The following PLCB4 variants were observed in gnomAD, a reference collection of about 807,000 sequenced individuals.
PLCB4 encodes 1-phosphatidylinositol 4,5-bisphosphate phosphodiesterase beta-4.
Under a neutral mutation model 178.8 loss-of-function variants are expected in PLCB4, and 77 were observed. That is an observed-to-expected ratio of 0.43 (90% CI 0.36 to 0.52). PLCB4 has a LOEUF of 0.52. Ranked by LOEUF, PLCB4 falls within the 20% of genes least tolerant of loss-of-function variation. The probability of loss-of-function intolerance (pLI) is 0.00; values close to 1 mark genes in which losing one functional copy is unlikely to be tolerated. For missense variants in PLCB4, 1,024 were observed against 1,453.4 expected (o/e 0.70, Z 4.80); for synonymous variants, 496 against 490.8 (o/e 1.01, Z -0.14).
chr20:9,131,989 A>G (rs2092284387), intron 2 of PLCB4, among the ~76,000 whole-genome samples: 1 of 152,158 alleles, frequency 6.6e-6, no homozygotes, highest in African/African-American at 2.4e-5. Context: ...GCCCCAGTCA[A>G]ACTCCCAACT....
chr20:9,373,850 A>G (rs58879786), intron 12 of PLCB4, among the ~76,000 whole-genome samples: 30 of 152,344 alleles, frequency 2.0e-4, no homozygotes, highest in Admixed American at 1.6e-3. Context: ...ACATACAAAA[A>G]AAGTTTTCCC....
At chr20:9,414,173 A>T (rs1163995071) in intron 25 of PLCB4, among the ~76,000 whole-genome samples, 1 of 152,226 alleles carries the variant, frequency 6.6e-6, no homozygotes, top group East Asian at 1.9e-4. Context: ...GAAAGCATAC[A>T]CCTCACCAGA....
intron 1 of PLCB4, among the ~76,000 whole-genome samples, chr20:9,075,674 C>G (rs2089826242): frequency 1.3e-5 from 2 of 152,352 alleles, no homozygotes; most frequent in East Asian, 3.9e-4. Flanking sequence ...CCCAATTGTG[C>G]CCCTTCCCAT....
intron 13 of PLCB4, among the ~76,000 whole-genome samples, chr20:9,382,202 T>C (rs1270301619): frequency 6.6e-6 from 1 of 152,208 alleles, no homozygotes; most frequent in Non-Finnish European, 1.5e-5. Context: ...TTGCAAAACC[T>C]GTAAGATCCA....
At chr20:9,201,790 T>G (rs1309955560) in intron 2 of PLCB4, among the ~76,000 whole-genome samples, 1 of 152,204 alleles carries the variant, frequency 6.6e-6, no homozygotes, top group Non-Finnish European at 1.5e-5. Flanking sequence ...TTGTTGGGAA[T>G]GCAAAATGGT....
At chr20:9,225,457 T>A (rs964822643) in intron 3 of PLCB4, among the ~76,000 whole-genome samples, 2 of 152,212 alleles carry the variant, frequency 1.3e-5, no homozygotes, top group African/African-American at 4.8e-5. Context: ...GATGTAACAG[T>A]CGAGTCTAGA....
rs398035325 is a variant in PLCB4, at chr20:9,273,675, A to AGTGTGTGTGTGT, written c.-15-34092_-15-34081dup. On this transcript the variant is annotated intron_variant, in intron 3 of 39. Transcript: ENST00000378473. ...AATACAGACTGGTTATTATGGTTGC[A>AGTGTGTGTGTGT]GTGTGTGTGTGTGTGTGTGTGTGTG... is the stretch of plus-strand genomic sequence containing the variant. Among the ~76,000 whole-genome samples, 154 of 135,940 alleles carry AGTGTGTGTGTGT rather than the reference A, an allele frequency of 1.1e-3. 1 individual carries two copies. The highest frequency in any genetic ancestry group is 1.3e-3 in the East Asian group (6 of 4,578). 89.2% of individuals were successfully genotyped at this position (135,940 alleles called of 152,430 possible). A position where few individuals can be genotyped will look rare whatever the true frequency, so the allele number is the denominator to read the frequency against.
At position 9,155,872 on chromosome 20, in the gene PLCB4, T is replaced by C. The variant is rs2146955075; in HGVS notation, c.-79+59530T>C. ...CTACATCGTGCCCACTTTAGCTCTT[T>C]CTCACTTTTTTTTGTGTGTGCCTCC... On this transcript the variant is annotated intron_variant, in intron 2 of 39. Coordinates refer to ENST00000378473, the MANE Select transcript of PLCB4 (RefSeq NM_001377142.1). 1.3e-5 allele frequency among the ~76,000 whole-genome samples: 2 copies of C among 152,286 alleles called. 1 individual carries two copies. The highest frequency in any genetic ancestry group is 4.1e-4 in the South Asian group (2 of 4,826).
intron 25 of PLCB4, among the ~76,000 whole-genome samples, chr20:9,413,581 C>T (rs2040020378): frequency 6.6e-6 from 1 of 151,226 alleles, no homozygotes; most frequent in Non-Finnish European, 1.5e-5. Flanking sequence ...ATGTCGTGAA[C>T]CTGGGAGGCA....
chr20:9,255,489 T>C (rs1407534513), intron 3 of PLCB4, among the ~76,000 whole-genome samples: 1 of 152,122 alleles, frequency 6.6e-6, no homozygotes, highest in Non-Finnish European at 1.5e-5. Context: ...TCTTTTTTTT[T>C]TCTTTATTCT....
At chr20:9,319,646 C>A (rs2094937118) in intron 4 of PLCB4, among the ~76,000 whole-genome samples, 1 of 151,988 alleles carries the variant, frequency 6.6e-6, no homozygotes, top group Non-Finnish European at 1.5e-5. Flanking sequence ...CATCAGTATC[C>A]AAGTTGAATG....
chr20:9,147,166 T>G (rs917260667), intron 2 of PLCB4, among the ~76,000 whole-genome samples: 3 of 152,118 alleles, frequency 2.0e-5, no homozygotes, highest in Non-Finnish European at 1.5e-5. Context: ...TGGAGGTCTA[T>G]GGTAAAATAG....
chr20:9,237,942 A>G (rs901408791), intron 3 of PLCB4, among the ~76,000 whole-genome samples: 5 of 152,168 alleles, frequency 3.3e-5, no homozygotes, highest in Non-Finnish European at 5.9e-5. Flanking sequence ...GACAAGGCAG[A>G]GAAAGCTTTT....
chr20:9,261,212 T>C lies in PLCB4; in HGVS notation c.-16+43760T>C, dbSNP rs76590393. ...GCAAAGGGGATGCATGAATCTCTCT[T>C]TTTTTTTTTAATTTGCTGAGTGTAG... On this transcript the variant is annotated intron_variant, in intron 3 of 39. Coordinates refer to ENST00000378473, the MANE Select transcript of PLCB4 (RefSeq NM_001377142.1). Among the ~76,000 whole-genome samples the C allele has an allele frequency of 1.1e-4, 17 of 148,696 alleles. 1 individual carries two copies. The highest frequency in any genetic ancestry group is 3.5e-3 in the Middle Eastern group (1 of 284).
chr20:9,117,142 GT>G (rs2091807505), intron 2 of PLCB4, among the ~76,000 whole-genome samples: 1 of 152,120 alleles, frequency 6.6e-6, no homozygotes, highest in East Asian at 1.9e-4. Context: ...TTTCATACTT[GT>G]AACTTAATGA....
intron 3 of PLCB4, among the ~76,000 whole-genome samples, chr20:9,270,548 CATT>C (rs1276904270): frequency 6.6e-6 from 1 of 152,004 alleles, no homozygotes; most frequent in Non-Finnish European, 1.5e-5. Flanking sequence ...GTGTATGTAC[CATT>C]CATGACTTAC....
intron 32 of PLCB4, among the ~76,000 whole-genome samples, chr20:9,446,977 T>G (rs899834493): frequency 2.0e-5 from 3 of 152,230 alleles, no homozygotes; most frequent in Non-Finnish European, 2.9e-5. Flanking sequence ...GGGAACAATG[T>G]GGTGAATCTA....
intron 2 of PLCB4, among the ~76,000 whole-genome samples, chr20:9,100,353 G>T (rs1318166770): frequency 6.6e-6 from 1 of 152,124 alleles, no homozygotes; most frequent in Non-Finnish European, 1.5e-5. Context: ...AATAATAACA[G>T]GACAATTTAA....
chr20:9,363,030 G>A, intron 8 of PLCB4, 55 bp downstream of exon 8: 1 of 1,181,220 alleles, frequency 8.5e-7, no homozygotes, highest in Non-Finnish European at 1.3e-6. Flanking sequence ...CAAATGGTCA[G>A]ATGAAGAGAT....
Sources: allele counts gnomAD v4.1 joint callset (sites outside exome capture counted in the v4.1 genomes callset), GRCh38; gene constraint gnomAD v4.1.1; transcripts MANE v1.5; gene names NCBI Gene and HGNC (gene_info 2026-07-23, HGNC 2026-07-21).